Variants in DYSF observed in about 807,000 individuals in gnomAD.
DYSF encodes dysferlin.
In DYSF, 212 loss-of-function variants were observed where a neutral mutation model predicts 274.9. That is an observed-to-expected ratio of 0.77 (90% CI 0.69 to 0.86). DYSF has a LOEUF of 0.86. Among genes scored for constraint, DYSF ranks in the 40% least tolerant of loss-of-function variants. DYSF has a pLI of 0.00. For missense variants in DYSF, 2,666 were observed against 2,783.2 expected, an observed-to-expected ratio of 0.96 and a Z score of 0.95; for synonymous variants, 1,091 against 1,078.7, an observed-to-expected ratio of 1.01 and a Z score of -0.22.
chr2:71,562,480 T>C (rs1559164082), intron 23 of DYSF, among the ~76,000 whole-genome samples: 1 of 152,140 alleles, frequency 6.6e-6, no homozygotes, highest in Non-Finnish European at 1.5e-5. Context: ...TTTGGGGAAC[T>C]ATTTCCCCAC....
intron 20 of DYSF, 55 bp from the exon 21 acceptor site, chr2:71,553,752 A>ACCCCCCCCCCCC: frequency 1.5e-5 from 4 of 267,802 alleles, no homozygotes; most frequent in Non-Finnish European, 1.3e-5. Flanking sequence ...TTAGCACCCC[A>ACCCCCCCCCCCC]TCCCACCCGC....
At chr2:71,519,257 A>G (rs1471062718) in intron 10 of DYSF, among the ~76,000 whole-genome samples, 1 of 152,168 alleles carries the variant, frequency 6.6e-6, no homozygotes, top group African/African-American at 2.4e-5. Context: ...AGCATTTTTT[A>G]AAAGAATGAG....
intron 12 of DYSF, among the ~76,000 whole-genome samples, chr2:71,525,158 TTC>T (rs1328091805): frequency 2.0e-5 from 3 of 152,134 alleles, no homozygotes; most frequent in African/African-American, 4.8e-5. Flanking sequence ...CTCCCAGAAA[TTC>T]TGTTTTAATT....
rs201477760 is a variant in DYSF, at chr2:71,574,272, C to T, written c.3303C>T (p.Tyr1101=). The T allele has an allele frequency of 7.1e-5, 114 of 1,614,176 alleles. No individual in the cohort carries two copies. The East Asian group carries it at 2.3e-3, about 32-fold the overall frequency. The part of the protein sequence containing the change: ...SLFGWKFHLE[Y]RKTDAFRRRR... ...TTGGCTGGAAGTTCCACCTCGAGTA[C>T]CGCAAGACAGATGCCTTCCGCCGCC... The change falls in exon 30 of 56, where the codon TAC becomes TAT. Residue 1101 remains tyrosine (Y), a synonymous_variant. Transcript: ENST00000410020.
At chr2:71,621,960 A>G (rs2152896791) in intron 41 of DYSF, among the ~76,000 whole-genome samples, 1 of 152,202 alleles carries the variant, frequency 6.6e-6, no homozygotes, top group African/African-American at 2.4e-5. Context: ...CACCCAGCCT[A>G]TTCTTATATT....
At chr2:71,498,874 G>T (rs2084691174) in intron 3 of DYSF, among the ~76,000 whole-genome samples, 1 of 152,060 alleles carries the variant, frequency 6.6e-6, no homozygotes, top group Admixed American at 6.6e-5. Flanking sequence ...TTAATAGGAG[G>T]GTTGCTATTA....
chr2:71,502,619 C>T (rs1299185260), intron 3 of DYSF, among the ~76,000 whole-genome samples: 1 of 152,192 alleles, frequency 6.6e-6, no homozygotes, highest in Non-Finnish European at 1.5e-5. Context: ...CCCCACCCCT[C>T]CTGTCAGTCA....
At chr2:71,607,144 G>A (rs2093662634) in intron 36 of DYSF, among the ~76,000 whole-genome samples, 1 of 152,290 alleles carries the variant, frequency 6.6e-6, no homozygotes, top group East Asian at 1.9e-4. Context: ...AGCTACGGGG[G>A]TACTTAAGCT....
intron 17 of DYSF, among the ~76,000 whole-genome samples, chr2:71,550,345 T>A (rs960853732): frequency 2.6e-5 from 4 of 152,074 alleles, no homozygotes; most frequent in African/African-American, 9.7e-5. Flanking sequence ...AGATTTCCCC[T>A]CTTCAGGAGT....
intron 40 of DYSF, among the ~76,000 whole-genome samples, chr2:71,616,950 A>G (rs2093898628): frequency 6.6e-6 from 1 of 152,050 alleles, no homozygotes; most frequent in African/African-American, 2.4e-5. Context: ...TCTTGGTGTT[A>G]TGATTATGAT....
At chr2:71,605,735 T>C (rs945315657) in intron 36 of DYSF, among the ~76,000 whole-genome samples, 5 of 152,006 alleles carry the variant, frequency 3.3e-5, no homozygotes, top group Non-Finnish European at 7.4e-5. Flanking sequence ...GTACCCGGGG[T>C]ACTCTCCTGT....
intron 3 of DYSF, among the ~76,000 whole-genome samples, chr2:71,491,982 C>A (rs940825467): frequency 1.3e-5 from 2 of 152,148 alleles, no homozygotes; most frequent in Admixed American, 6.5e-5. Context: ...TGCCAGCCCC[C>A]GCTTCTGGCA....
rs1484428581 is a variant in DYSF, at chr2:71,660,612, A to AT, written c.4965dup (p.Asn1656Ter). ...GGGAAGAAATCAGTGAGTGACCAGG[A>AT]TAACTACATCCCCTGCACGCTGGAG... On this transcript the variant is annotated frameshift_variant, in exon 45 of 56. Transcript: ENST00000410020. LOFTEE classifies it high-confidence loss of function. 1 of 1,614,186 alleles carries AT rather than the reference A, an allele frequency of 6.2e-7. No homozygotes were observed. The highest frequency in any genetic ancestry group is 1.7e-5 in the Admixed American group (1 of 60,032).
chr2:71,556,059 T>C lies in DYSF; in HGVS notation c.2204T>C (p.Ile735Thr). The change falls in exon 22 of 56, where the codon ATC becomes ACC. Residue 735 changes from isoleucine to threonine, a missense_variant. Physicochemically the swap from Ile to Thr is moderately conservative, Grantham distance 89. Around this residue, in one of 3 missense-constraint regions of DYSF, gnomAD observed 412 missense variants for 504.0 expected, o/e 0.82. Coordinates refer to ENST00000410020, the MANE Select transcript of DYSF (RefSeq NM_001130987.2). Reference protein sequence around the residue: ...SLVAQLTDELIAGCSQPLGDI... With the variant: ...SLVAQLTDELTAGCSQPLGDI... ...GTGGCTCAGCTGACGGATGAGCTCA[T>C]CGCAGGCTGCAGGTAGGGGGGACCT... The C allele has an allele frequency of 6.4e-7, 1 of 1,572,074 alleles. No individual in the cohort carries two copies. Among genetic ancestry groups the C allele is most frequent in the Non-Finnish European group, 8.6e-7 (1 of 1,159,234 alleles).
At chr2:71,499,584 G>A (rs952106009) in intron 3 of DYSF, among the ~76,000 whole-genome samples, 3 of 152,184 alleles carry the variant, frequency 2.0e-5, no homozygotes, top group African/African-American at 7.2e-5. Flanking sequence ...TCTGCCATAC[G>A]GCAGTAGTAG....
chr2:71,673,149 T>G (rs1275035935), intron 51 of DYSF, among the ~76,000 whole-genome samples: 1 of 152,230 alleles, frequency 6.6e-6, no homozygotes, highest in Non-Finnish European at 1.5e-5. Flanking sequence ...ACCCACCATC[T>G]GCAGGGTGGT....
At position 71,644,138 on chromosome 2, in the gene DYSF, C is replaced by T. The variant is rs547765439; in HGVS notation, c.4626+75C>T. 15 of 1,211,116 alleles carry T rather than the reference C, an allele frequency of 1.2e-5. No individual in the cohort carries two copies. The South Asian group carries it at 1.8e-4, about 15-fold the overall frequency. The allele number at this position is 1,211,116 out of a possible 1,614,324, so 75.0% of individuals were successfully genotyped here. A position where few individuals can be genotyped will look rare whatever the true frequency, so the allele number is the denominator to read the frequency against. ...AGTGGGAGACACAACAGAAAGAGAG[C>T]TCATGCAGTAGATGTATTTGCATTT... On this transcript the variant is annotated intron_variant, in intron 42 of 55. Coordinates refer to ENST00000410020, the MANE Select transcript of DYSF (RefSeq NM_001130987.2).
chr2:71,499,760 A>AC (rs151321397), intron 3 of DYSF, among the ~76,000 whole-genome samples: 5,086 of 151,298 alleles, frequency 0.034, 141 homozygotes, highest in Non-Finnish European at 0.043. Flanking sequence ...ACACTTCTCC[A>AC]CCCCCCACAT....
intron 42 of DYSF, 136 bp from the exon 43 acceptor site, chr2:71,656,026 T>C: frequency 8.3e-7 from 1 of 1,206,678 alleles, no homozygotes. Flanking sequence ...CTCCTTTTCT[T>C]CTTCTCTCTT....
Sources: allele counts gnomAD v4.1 joint callset (sites outside exome capture counted in the v4.1 genomes callset), GRCh38; gene constraint gnomAD v4.1.1; regional missense constraint gnomAD v4.1.1; transcripts MANE v1.5; gene names NCBI Gene and HGNC (gene_info 2026-07-23, HGNC 2026-07-21).